Variants in NAPEPLD observed in about 807,000 individuals in gnomAD.
NAPEPLD encodes the protein N-acyl phosphatidylethanolamine phospholipase D, also known as N-acyl-phosphatidylethanolamine-hydrolyzing phospholipase D.
NAPEPLD carries 23 observed loss-of-function variants against 38.1 expected under a neutral mutation model. That is an observed-to-expected ratio of 0.60 (90% CI 0.43 to 0.86). The LOEUF is 0.86. NAPEPLD is among the 40% of genes least tolerant of loss of function. The pLI is 0.00. For synonymous variants in NAPEPLD, 147 were observed against 162.0 expected, an observed-to-expected ratio of 0.91 and a Z score of 0.71; for missense variants, 411 against 476.8, an observed-to-expected ratio of 0.86 and a Z score of 1.28.
chr7:103,141,345 G>C (rs1189369338), intron 1 of NAPEPLD: 1 of 659,642 alleles, frequency 1.5e-6, no homozygotes, highest in Non-Finnish European at 2.8e-6. Context: ...CAAAGGGGCA[G>C]CTTTTATTTC....
intron 1 of NAPEPLD, among the ~76,000 whole-genome samples, chr7:103,137,088 C>T (rs1018371308): frequency 1.3e-5 from 2 of 152,160 alleles, no homozygotes; most frequent in Non-Finnish European, 1.5e-5. Flanking sequence ...TACAGGTGCC[C>T]GCCACCATGC....
chr7:103,130,049 T>G (rs777418413), intron 1 of NAPEPLD, among the ~76,000 whole-genome samples: 28 of 152,216 alleles, frequency 1.8e-4, no homozygotes, highest in Non-Finnish European at 3.5e-4. Context: ...TCTTTCTTAT[T>G]CTGTTAAACA....
chr7:103,129,219 C>G (rs1808444259), intron 1 of NAPEPLD: 3 of 729,932 alleles, frequency 4.1e-6, no homozygotes, highest in Admixed American at 6.3e-5. Flanking sequence ...GAGCTGAGAT[C>G]ACGCCATTGC....
At chr7:103,113,717 G>C (rs564767521) in intron 4 of NAPEPLD, among the ~76,000 whole-genome samples, 2 of 142,914 alleles carry the variant, frequency 1.4e-5, no homozygotes, top group Non-Finnish European at 3.0e-5. Flanking sequence ...TGCAACCTCT[G>C]TCTCCCAGGT....
chr7:103,145,988 C>G (rs756058322), intron 1 of NAPEPLD, among the ~76,000 whole-genome samples: 1 of 151,914 alleles, frequency 6.6e-6, no homozygotes, highest in African/African-American at 2.4e-5. Context: ...CACACACACA[C>G]GCACGCACAC....
chr7:103,143,076 A>C (rs111303162), intron 1 of NAPEPLD, among the ~76,000 whole-genome samples: 10,237 of 41,522 alleles, frequency 0.25, 545 homozygotes, highest in African/African-American at 0.33. Flanking sequence ...AAAAAACAAA[A>C]AAACAAAAAA....
intron 1 of NAPEPLD, among the ~76,000 whole-genome samples, chr7:103,134,183 C>T (rs958150604): frequency 6.6e-6 from 1 of 152,134 alleles, no homozygotes; most frequent in Non-Finnish European, 1.5e-5. Flanking sequence ...GAAAACATTG[C>T]TCTTGATAAT....
At chr7:103,125,748 G>A (rs184400780) in intron 2 of NAPEPLD, among the ~76,000 whole-genome samples, 3,275 of 152,048 alleles carry the variant, frequency 0.022, 60 homozygotes, top group Non-Finnish European at 0.037. Flanking sequence ...TTAGCCAGGC[G>A]TGGTGGCAGG....
At chr7:103,148,354 T>C (rs1379505040) in intron 1 of NAPEPLD, among the ~76,000 whole-genome samples, 1 of 151,682 alleles carries the variant, frequency 6.6e-6, no homozygotes, top group Non-Finnish European at 1.5e-5. Context: ...TGTTAAACTT[T>C]ACTCACTCCC....
chr7:103,144,259 T>C (rs1430475887), intron 1 of NAPEPLD, among the ~76,000 whole-genome samples: 1 of 152,220 alleles, frequency 6.6e-6, no homozygotes, highest in Admixed American at 6.5e-5. Flanking sequence ...CAAACAGTTA[T>C]GGTCTCACTG....
chr7:103,118,722 A>C (rs920164186), intron 3 of NAPEPLD, among the ~76,000 whole-genome samples: 3 of 152,246 alleles, frequency 2.0e-5, no homozygotes, highest in Admixed American at 2.0e-4. Context: ...CATATAAACC[A>C]GAGTTGACTG....
chr7:103,111,045 C>T (rs1563347680), intron 4 of NAPEPLD, among the ~76,000 whole-genome samples: 2 of 152,126 alleles, frequency 1.3e-5, no homozygotes, highest in Non-Finnish European at 2.9e-5. Context: ...AGGAATACAA[C>T]TTACAAGGGA....
At chr7:103,125,039 A>T (rs543400954) in intron 2 of NAPEPLD, among the ~76,000 whole-genome samples, 1 of 152,248 alleles carries the variant, frequency 6.6e-6, no homozygotes, top group African/African-American at 2.4e-5. Context: ...ATGTGACTCA[A>T]ATCCATTTAA....
intron 2 of NAPEPLD, chr7:103,127,337 C>T (rs1390172542): frequency 6.6e-6 from 1 of 152,078 alleles, no homozygotes; most frequent in Admixed American, 6.6e-5. Context: ...AAAACTGTTT[C>T]TAAACAAAAA....
chr7:103,144,334 A>G (rs1223223908), intron 1 of NAPEPLD, among the ~76,000 whole-genome samples: 1 of 152,186 alleles, frequency 6.6e-6, no homozygotes, highest in Non-Finnish European at 1.5e-5. Flanking sequence ...CCCCTTTTGC[A>G]AAGTAAAAGG....
rs554943418 is a variant in NAPEPLD, at chr7:103,102,679, A to G, written c.*750T>C. 1.3e-5 allele frequency: 2 copies of G among 152,270 alleles called. No individual in the cohort carries two copies. The highest frequency in any genetic ancestry group is 2.4e-5 in the African/African-American group (1 of 41,540). 9.4% of individuals were successfully genotyped at this position (152,270 alleles called of 1,614,324 possible). ...TTCCCTCTCATCTGAAGGCTCTAGG[A>G]AAAAAAGAATATACTGTTCTTTTAA... On this transcript the variant is annotated 3_prime_UTR_variant, in exon 5 of 5. Coordinates refer to ENST00000465647, the MANE Select transcript of NAPEPLD (RefSeq NM_001122838.3).
At chr7:103,135,918 C>A (rs1463678667) in intron 1 of NAPEPLD, among the ~76,000 whole-genome samples, 2 of 152,108 alleles carry the variant, frequency 1.3e-5, no homozygotes, top group African/African-American at 4.8e-5. Context: ...AAGATTGTAA[C>A]TCCTAAACGT....
chr7:103,113,477 G>T (rs1585838178), intron 4 of NAPEPLD, among the ~76,000 whole-genome samples: 1 of 152,050 alleles, frequency 6.6e-6, no homozygotes, highest in East Asian at 1.9e-4. Flanking sequence ...AGACAGAGGA[G>T]TAACTAAAAC....
At chr7:103,137,621 A>G (rs1194016932) in intron 1 of NAPEPLD, among the ~76,000 whole-genome samples, 9 of 152,178 alleles carry the variant, frequency 5.9e-5, no homozygotes, top group Non-Finnish European at 1.0e-4. Flanking sequence ...TTCCGGTATA[A>G]TCAATTATAC....
Sources: gnomAD v4.1 joint callset for allele counts (sites outside exome capture counted in the v4.1 genomes callset) on GRCh38, gnomAD v4.1.1 for gene constraint, MANE v1.5 for transcripts, NCBI Gene and HGNC (gene_info 2026-07-23, HGNC 2026-07-21) for gene names.